Variants in AFF3 observed in about 807,000 individuals in gnomAD.
The protein encoded by AFF3 is AF4/FMR2 family member 3.
In AFF3, 32 loss-of-function variants were observed where a neutral mutation model predicts 129.7. The observed-to-expected ratio is 0.25, with a 90% CI of 0.19 to 0.33. The LOEUF is 0.33. Among genes scored for constraint, AFF3 ranks in the 10% least tolerant of loss-of-function variants. The pLI, the probability that AFF3 is intolerant of heterozygous loss-of-function variation, is 1.00. For synonymous variants in AFF3, 644 were observed against 635.4 expected (o/e 1.01, Z -0.20); for missense variants, 1,373 against 1,592.0 (o/e 0.86, Z 2.34).
At chr2:99,723,321 AAGG>A (rs958823975) in intron 11 of AFF3, among the ~76,000 whole-genome samples, 2 of 152,184 alleles carry the variant, frequency 1.3e-5, no homozygotes, top group African/African-American at 4.8e-5. Flanking sequence ...CCCGTTTTTA[AAGG>A]AGGCCATGAA....
intron 7 of AFF3, among the ~76,000 whole-genome samples, chr2:99,973,319 C>G (rs1193691117): frequency 3.3e-5 from 5 of 152,174 alleles, no homozygotes; most frequent in Non-Finnish European, 5.9e-5. Context: ...TAAGCTTTGA[C>G]ATAAGGAGGG....
chr2:99,792,434 T>A (rs980703599), intron 8 of AFF3, among the ~76,000 whole-genome samples: 1 of 152,268 alleles, frequency 6.6e-6, no homozygotes, highest in East Asian at 1.9e-4. Context: ...ATTGAGCTGC[T>A]GCACTCCAAC....
intron 4 of AFF3, among the ~76,000 whole-genome samples, chr2:100,070,377 T>C (rs1480533187): frequency 1.3e-5 from 2 of 152,212 alleles, no homozygotes; most frequent in East Asian, 1.9e-4. Flanking sequence ...TTGTTAGAAG[T>C]AGAAATCTGA....
At chr2:99,875,624 C>G (rs889599096) in intron 7 of AFF3, among the ~76,000 whole-genome samples, 1 of 152,142 alleles carries the variant, frequency 6.6e-6, no homozygotes, top group Admixed American at 6.5e-5. Flanking sequence ...CAAGCTCTTC[C>G]TCCACCAGGG....
intron 8 of AFF3, among the ~76,000 whole-genome samples, chr2:99,788,761 G>C (rs1416810873): frequency 6.6e-6 from 1 of 152,206 alleles, no homozygotes; most frequent in Non-Finnish European, 1.5e-5. Flanking sequence ...CTCACTCACT[G>C]ACTCACCCAG....
chr2:100,119,896 G>C (rs771950339), intron 2 of AFF3, among the ~76,000 whole-genome samples: 23 of 152,206 alleles, frequency 1.5e-4, no homozygotes, highest in Non-Finnish European at 2.5e-4. Flanking sequence ...CAGTGAATAA[G>C]TCTGTAGTTA....
intron 4 of AFF3, among the ~76,000 whole-genome samples, chr2:100,033,020 A>T (rs1219205664): frequency 6.6e-6 from 1 of 152,198 alleles, no homozygotes; most frequent in Non-Finnish European, 1.5e-5. Flanking sequence ...TACTTTTCAT[A>T]CATGTTTTGG....
At chr2:99,701,152 G>A (rs1375055378) in intron 11 of AFF3, among the ~76,000 whole-genome samples, 1 of 152,184 alleles carries the variant, frequency 6.6e-6, no homozygotes, top group African/African-American at 2.4e-5. Flanking sequence ...ATGTGTGGGT[G>A]TGGACGTGGG....
At chr2:99,871,779 C>T (rs1300802981) in intron 7 of AFF3, among the ~76,000 whole-genome samples, 1 of 152,134 alleles carries the variant, frequency 6.6e-6, no homozygotes, top group East Asian at 1.9e-4. Context: ...CTGTCAGGTG[C>T]TATGTTCACT....
chr2:100,106,803 G>A, intron 2 of AFF3: 1 of 985,470 alleles, frequency 1.0e-6, no homozygotes, highest in Non-Finnish European at 1.2e-6. Flanking sequence ...TCCCATGCTG[G>A]GCCTGGAGCT....
At chr2:100,046,711 T>G (rs543235457) in intron 4 of AFF3, among the ~76,000 whole-genome samples, 1 of 152,204 alleles carries the variant, frequency 6.6e-6, no homozygotes, top group Non-Finnish European at 1.5e-5. Flanking sequence ...ATGACTCAGT[T>G]TTTATGTTCA....
At chr2:100,019,841 C>T (rs981306860) in intron 4 of AFF3, among the ~76,000 whole-genome samples, 82 of 152,106 alleles carry the variant, frequency 5.4e-4, no homozygotes, top group African/African-American at 2.0e-3. Flanking sequence ...GGAGCCCTTT[C>T]TCCTCCCCAG....
intron 4 of AFF3, among the ~76,000 whole-genome samples, chr2:100,024,386 T>C (rs1683864980): frequency 6.6e-6 from 1 of 151,282 alleles, no homozygotes. Context: ...ATGGATCACC[T>C]GAGGTCAGGA....
At position 99,570,412 on chromosome 2, in the gene AFF3, C is replaced by T. The variant is rs183574301; in HGVS notation, c.2919-1497G>A. On this transcript the variant is annotated intron_variant, in intron 18 of 24. Transcript: ENST00000672756. ...GAGGGCAGTGGTACAATCACCCATA[C>T]TGCAGCATCAACCACCTGGGGTTAA... Among the ~76,000 whole-genome samples, 11 of 152,304 alleles carry T rather than the reference C, an allele frequency of 7.2e-5. No individual in the cohort carries two copies. The East Asian group carries it at 2.1e-3, about 29-fold the overall frequency.
In AFF3 at chr2:99,965,499, G is replaced by A. The variant is rs117785242; in HGVS notation, c.873+41133C>T. Among the ~76,000 whole-genome samples, 106 of 152,244 alleles carry A rather than the reference G, an allele frequency of 7.0e-4. 5 individuals carry two copies. In the East Asian group the frequency reaches 0.019, roughly 27 times the overall value. ...TAGAAATCCACATTAAACTTGCATCGGAAAACTGAGAACAATAGCTGAAAT... is the reference window on the plus strand; with the variant it reads ...TAGAAATCCACATTAAACTTGCATCAGAAAACTGAGAACAATAGCTGAAAT... On this transcript the variant is annotated intron_variant, in intron 7 of 24. Coordinates refer to ENST00000672756, the MANE Select transcript of AFF3 (RefSeq NM_001386135.1).
chr2:99,791,545 C>CGT (rs1330940718), intron 8 of AFF3, among the ~76,000 whole-genome samples: 1 of 152,230 alleles, frequency 6.6e-6, no homozygotes, highest in East Asian at 1.9e-4. Context: ...GTGGAACCCA[C>CGT]AAATACAGAG....
At chr2:99,632,398 T>C (rs11682649) in intron 13 of AFF3, among the ~76,000 whole-genome samples, 101,694 of 151,940 alleles carry the variant, frequency 0.67, 34,377 homozygotes, top group South Asian at 0.85. Context: ...GAAAATACGA[T>C]ATCTCACTGT....
rs191719050 is a variant in AFF3 at position 99,947,100 on chromosome 2, A to G, written c.873+59532T>C. On this transcript the variant is annotated intron_variant, in intron 7 of 24. Coordinates refer to ENST00000672756, the MANE Select transcript of AFF3 (RefSeq NM_001386135.1). The stretch of plus-strand genomic sequence containing the variant: ...TGTATTAAGTGCTATAACTGAATAT[A>G]AAGGCGCATAACACATCTAAACAAA... 3.9e-3 allele frequency among the ~76,000 whole-genome samples: 593 copies of G among 152,340 alleles called. 6 individuals carry two copies. The highest frequency in any genetic ancestry group is 0.014 in the African/African-American group (562 of 41,572).
intron 8 of AFF3, among the ~76,000 whole-genome samples, chr2:99,808,669 GA>G (rs925260654): frequency 5.0e-4 from 75 of 148,926 alleles, no homozygotes; most frequent in East Asian, 7.8e-4. Flanking sequence ...AAAAACAAAA[GA>G]AAAAAAAACA....
Sources: gnomAD v4.1 joint callset for allele counts (sites outside exome capture counted in the v4.1 genomes callset) on GRCh38, gnomAD v4.1.1 for gene constraint, MANE v1.5 for transcripts, NCBI Gene and HGNC (gene_info 2026-07-23, HGNC 2026-07-21) for gene names.